SPCS3: variants seen among roughly 807,000 people sequenced by gnomAD.
SPCS3 encodes SPase 22 kDa subunit.
A neutral mutation model predicts 17.2 loss-of-function variants in SPCS3; 9 were observed. The observed-to-expected ratio is 0.52, with a 90% CI of 0.31 to 0.91. The LOEUF (loss-of-function observed/expected upper bound fraction) is 0.91. Among genes scored for constraint, SPCS3 ranks in the 40% least tolerant of loss-of-function variants. SPCS3 has a pLI of 0.04. For synonymous variants in SPCS3, 87 were observed against 89.6 expected, an observed-to-expected ratio of 0.97 and a Z score of 0.16; for missense variants, 139 against 217.5, an observed-to-expected ratio of 0.64 and a Z score of 2.27.
Position 176,327,091 on chromosome 4 carries a change from A to G in SPCS3, c.295-71A>G, listed in dbSNP as rs1190441945. 10 of 914,198 alleles carry G rather than the reference A, an allele frequency of 1.1e-5. No individual in the cohort carries two copies. In the Admixed American group the frequency reaches 2.3e-4, roughly 21 times the overall value. The allele number at this position is 914,198 out of a possible 1,614,324, so 56.6% of individuals were successfully genotyped here. A position where few individuals can be genotyped will look rare whatever the true frequency, so the allele number is the denominator to read the frequency against. ...TAACATGTCAAACTATTTGCTTACT[A>G]ATACTTTTAATTTGAAGTGATAAGA... On this transcript the variant is annotated intron_variant, in intron 3 of 4. Transcript: ENST00000503362.
In SPCS3 at chr4:176,322,203, A is replaced by G. The variant is rs371045134; in HGVS notation, c.177A>G (p.Glu59=). 4.4e-6 allele frequency: 7 copies of G among 1,608,094 alleles called. No homozygotes were observed. The highest frequency in any genetic ancestry group is 6.0e-6 in the Non-Finnish European group (7 of 1,175,196). The change falls in exon 2 of 5, where the codon GAA becomes GAG. Residue 59 remains glutamate, a synonymous_variant. Coordinates refer to ENST00000503362, the MANE Select transcript of SPCS3 (RefSeq NM_021928.4). The stretch of plus-strand genomic sequence containing the variant: ...TAGAAGATTTCACTGGACCTAGAGA[A>G]AGAAGTGATCTGGGATTTATCACAT... ...KNVEDFTGPR[E]RSDLGFITFD...
chr4:176,324,094 G>A, intron 2 of SPCS3, 87 bp from the exon 3 acceptor site: 1 of 703,352 alleles, frequency 1.4e-6, no homozygotes, highest in Non-Finnish European at 2.0e-6. Flanking sequence ...TAGTATTACT[G>A]TTATGGATAA....
intron 3 of SPCS3, among the ~76,000 whole-genome samples, chr4:176,326,612 C>G (rs531921337): frequency 6.6e-6 from 1 of 152,068 alleles, no homozygotes; most frequent in Non-Finnish European, 1.5e-5. Context: ...GGCTTCATTT[C>G]TTTAGTGATT....
intron 1 of SPCS3, 39 bp downstream of exon 1, chr4:176,320,258 CG>C (rs1025387501): frequency 2.9e-5 from 41 of 1,402,124 alleles, no homozygotes; most frequent in Non-Finnish European, 3.4e-5. Flanking sequence ...ACGCCGGGAC[CG>C]GGCTGGGGCG....
chr4:176,320,107 C>A lies in SPCS3; in HGVS notation c.31C>A (p.Leu11Met). 1 of 1,578,018 alleles carries A rather than the reference C, an allele frequency of 6.3e-7. No homozygotes were observed. Among genetic ancestry groups the A allele is most frequent in the Non-Finnish European group, 8.6e-7 (1 of 1,163,170 alleles). Residue 11 changes from leucine to methionine, a missense_variant, in exon 1 of 5, where the codon CTG becomes ATG. Transcript: ENST00000503362. Reference protein sequence around the residue: MNTVLSRANSLFAFSLSVMAA... With the variant: MNTVLSRANSMFAFSLSVMAA... ...CACGGTGCTGTCGCGGGCGAACTCA[C>A]TGTTCGCCTTCTCGCTGAGCGTGAT...
rs1015219048 is a variant in SPCS3, at chr4:176,329,591, A to G, written c.*1261A>G. 1.3e-5 allele frequency: 2 copies of G among 152,302 alleles called. No homozygotes were observed. Among genetic ancestry groups the G allele is most frequent in the South Asian group, 4.1e-4 (2 of 4,834 alleles). 9.4% of individuals were successfully genotyped at this position (152,302 alleles called of 1,614,324 possible). ...AATATTTTATTCTCTGAATAAATTCATTTCACTTATATTAAAAGCATAAGG... is the reference window on the plus strand; with the variant it reads ...AATATTTTATTCTCTGAATAAATTCGTTTCACTTATATTAAAAGCATAAGG... On this transcript the variant is annotated 3_prime_UTR_variant, in exon 5 of 5. Coordinates refer to ENST00000503362, the MANE Select transcript of SPCS3 (RefSeq NM_021928.4).
At position 176,330,301 on chromosome 4, in the gene SPCS3, G is replaced by A. The variant is rs968260559; in HGVS notation, c.*1971G>A. 4 of 152,204 alleles carry A rather than the reference G, an allele frequency of 2.6e-5. No individual in the cohort carries two copies. The highest frequency in any genetic ancestry group is 5.9e-5 in the Non-Finnish European group (4 of 68,020). 9.4% of individuals were successfully genotyped at this position (152,204 alleles called of 1,614,324 possible). On this transcript the variant is annotated 3_prime_UTR_variant, in exon 5 of 5. Coordinates refer to ENST00000503362, the MANE Select transcript of SPCS3 (RefSeq NM_021928.4). Reference sequence around the variant, plus strand: ...ACATGGAAACTTAAAATGTGCAGGTGTCAAAGCTTAAAAATCAGGTGTGTC... The same window carrying A: ...ACATGGAAACTTAAAATGTGCAGGTATCAAAGCTTAAAAATCAGGTGTGTC...
chr4:176,331,749 C>T lies in SPCS3; in HGVS notation c.*3419C>T, dbSNP rs113492235. ...GATTACAGGCGCCCGCCACCACGTC[C>T]GGCTAATTTTTGTATTTTCAGTAGA... On this transcript the variant is annotated 3_prime_UTR_variant, in exon 5 of 5. Coordinates refer to ENST00000503362, the MANE Select transcript of SPCS3 (RefSeq NM_021928.4). 0.01 allele frequency: 1,525 copies of T among 152,220 alleles called. 13 individuals are homozygous for T. Among genetic ancestry groups the T allele is most frequent in the Non-Finnish European group, 0.015 (1,009 of 68,078 alleles). 9.4% of individuals were successfully genotyped at this position (152,220 alleles called of 1,614,324 possible).
At chr4:176,323,603 T>C (rs556539916) in intron 2 of SPCS3, among the ~76,000 whole-genome samples, 1 of 152,306 alleles carries the variant, frequency 6.6e-6, no homozygotes, top group African/African-American at 2.4e-5. Flanking sequence ...ACCAGTCTTG[T>C]TAATTCTGGT....
In SPCS3 at chr4:176,320,049, G is replaced by C; in HGVS notation, c.-28G>C. On this transcript the variant is annotated 5_prime_UTR_variant, in exon 1 of 5. Transcript: ENST00000503362. ...GAACGGGAGCCTGGGTGTGCGTGTG[G>C]AGTCCGGACTCGTGGGAGACGATCG... is the stretch of plus-strand genomic sequence containing the variant. 6.6e-7 allele frequency: 1 copy of C among 1,509,658 alleles called. No individual in the cohort carries two copies. The highest frequency in any genetic ancestry group is 2.7e-5 in the East Asian group (1 of 36,492). 93.5% of individuals were successfully genotyped at this position (1,509,658 alleles called of 1,614,324 possible).
At chr4:176,327,667 G>A (rs776232292) in intron 4 of SPCS3, among the ~76,000 whole-genome samples, 4 of 152,314 alleles carry the variant, frequency 2.6e-5, no homozygotes, top group East Asian at 3.9e-4. Flanking sequence ...TTCTCCAAAC[G>A]TGACTTCTCT....
chr4:176,319,975 A>T lies in SPCS3; in HGVS notation c.-102A>T, dbSNP rs1731510553. 7.6e-7 allele frequency: 1 copy of T among 1,312,068 alleles called. No individual in the cohort carries two copies. The highest frequency in any genetic ancestry group is 9.9e-7 in the Non-Finnish European group (1 of 1,012,452). 81.3% of individuals were successfully genotyped at this position (1,312,068 alleles called of 1,614,324 possible). On this transcript the variant is annotated 5_prime_UTR_variant, in exon 1 of 5. Transcript: ENST00000503362. Reference sequence around the variant, plus strand: ...GGCTGCGGCGGCGCGCGCTCCCGGAACGCGCGCACCGCAGACGGCGCGGAT... The same window carrying T: ...GGCTGCGGCGGCGCGCGCTCCCGGATCGCGCGCACCGCAGACGGCGCGGAT...
intron 1 of SPCS3, 81 bp from the exon 2 acceptor site, chr4:176,322,089 T>A (rs777034837): frequency 2.3e-5 from 20 of 880,226 alleles, no homozygotes; most frequent in Non-Finnish European, 3.7e-5. Flanking sequence ...TGCACACACC[T>A]GTATTCTTTC....
intron 1 of SPCS3, chr4:176,321,540 C>G (rs1413349183): frequency 6.6e-6 from 1 of 152,266 alleles, no homozygotes; most frequent in Non-Finnish European, 1.5e-5. Context: ...ACGGATAGCA[C>G]CAAACCCTAT....
At position 176,320,056 on chromosome 4, in the gene SPCS3, G is replaced by A; in HGVS notation, c.-21G>A. On this transcript the variant is annotated 5_prime_UTR_variant, in exon 1 of 5. Coordinates refer to ENST00000503362, the MANE Select transcript of SPCS3 (RefSeq NM_021928.4). ...AGCCTGGGTGTGCGTGTGGAGTCCG[G>A]ACTCGTGGGAGACGATCGCGATGAA... 3.3e-6 allele frequency: 5 copies of A among 1,530,266 alleles called. No homozygotes were observed. In the South Asian group the frequency reaches 6.0e-5, roughly 18 times the overall value. 94.8% of individuals were successfully genotyped at this position (1,530,266 alleles called of 1,614,324 possible).
In SPCS3 at chr4:176,328,572, A is replaced by G. The variant is rs1731641173; in HGVS notation, c.*242A>G. 1 of 251,184 alleles carries G rather than the reference A, an allele frequency of 4.0e-6. No individual in the cohort carries two copies. Among genetic ancestry groups the G allele is most frequent in the Non-Finnish European group, 7.5e-6 (1 of 132,988 alleles). 15.6% of individuals were successfully genotyped at this position (251,184 alleles called of 1,614,324 possible). Reference sequence around the variant, plus strand: ...CAGTGGAATATTATCTTACAAGAATAAGAACTACATAAAACAGATTTGTAA... The same window carrying G: ...CAGTGGAATATTATCTTACAAGAATGAGAACTACATAAAACAGATTTGTAA... On this transcript the variant is annotated 3_prime_UTR_variant, in exon 5 of 5. Coordinates refer to ENST00000503362, the MANE Select transcript of SPCS3 (RefSeq NM_021928.4).
Position 176,328,351 on chromosome 4 carries a change from A to G in SPCS3, c.*21A>G. The G allele has an allele frequency of 1.3e-6, 2 of 1,548,562 alleles. No homozygotes were observed. Among genetic ancestry groups the G allele is most frequent in the Non-Finnish European group, 1.8e-6 (2 of 1,140,072 alleles). On this transcript the variant is annotated 3_prime_UTR_variant, in exon 5 of 5. Transcript: ENST00000503362. The stretch of plus-strand genomic sequence containing the variant: ...ATTAAATTATTCTGAATTTGAAACA[A>G]CATATTTTTATACTTAATGAATTGT...
intron 3 of SPCS3, among the ~76,000 whole-genome samples, chr4:176,326,191 C>T (rs1428235910): frequency 6.6e-6 from 1 of 151,610 alleles, no homozygotes; most frequent in Non-Finnish European, 1.5e-5. Flanking sequence ...ATCCTAGCTA[C>T]TTGGGAGGCT....
rs1307106864 is a variant in SPCS3 at position 176,331,425 on chromosome 4, A to G, written c.*3095A>G. The G allele has an allele frequency of 6.6e-6, 1 of 152,160 alleles. No homozygotes were observed. The highest frequency in any genetic ancestry group is 2.4e-5 in the African/African-American group (1 of 41,434). The allele number at this position is 152,160 out of a possible 1,614,324, so 9.4% of individuals were successfully genotyped here. On this transcript the variant is annotated 3_prime_UTR_variant, in exon 5 of 5. Coordinates refer to ENST00000503362, the MANE Select transcript of SPCS3 (RefSeq NM_021928.4). ...TTGCTTTTAGCAGAGAGAAGCCTGT[A>G]TATGTTACATGTGTGACTTTCAGTA...
Sources: allele counts gnomAD v4.1 joint callset (sites outside exome capture counted in the v4.1 genomes callset), GRCh38; gene constraint gnomAD v4.1.1; transcripts MANE v1.5; gene names NCBI Gene and HGNC (gene_info 2026-07-23, HGNC 2026-07-21).